Variants in ABHD2 observed in about 807,000 individuals in gnomAD.
ABHD2 encodes the protein abhydrolase domain containing 2, acylglycerol lipase, also known as monoacylglycerol lipase ABHD2.
Under a neutral mutation model 48.1 loss-of-function variants are expected in ABHD2, and 20 were observed. The ratio of observed to expected loss-of-function variants is 0.42; its 90% CI spans 0.29 to 0.60. The LOEUF (loss-of-function observed/expected upper bound fraction) is 0.60. Ranked by LOEUF, ABHD2 falls within the 20% of genes least tolerant of loss-of-function variation. The probability of loss-of-function intolerance (pLI) is 0.24; values close to 1 mark genes in which losing one functional copy is unlikely to be tolerated. For missense variants in ABHD2, 405 were observed against 550.9 expected, an observed-to-expected ratio of 0.74 and a Z score of 2.65; for synonymous variants, 209 against 214.2, an observed-to-expected ratio of 0.98 and a Z score of 0.21.
chr15:89,117,269 G>A, intron 3 of ABHD2, among the ~76,000 whole-genome samples: 1 of 152,138 alleles, frequency 6.6e-6, no homozygotes. Context: ...CAAGTGATCT[G>A]CCCGCCTTGG....
intron 1 of ABHD2, among the ~76,000 whole-genome samples, chr15:89,108,210 G>C (rs1017980556): frequency 1.3e-5 from 2 of 152,208 alleles, no homozygotes; most frequent in African/African-American, 4.8e-5. Flanking sequence ...GAAGCTAGAA[G>C]TTTGAAAACA....
chr15:89,127,052 C>T (rs764414364), intron 3 of ABHD2, among the ~76,000 whole-genome samples: 1 of 152,128 alleles, frequency 6.6e-6, no homozygotes, highest in African/African-American at 2.4e-5. Context: ...TGTTTGCTAC[C>T]CCATGACTGT....
chr15:89,155,732 A>G lies in ABHD2; in HGVS notation c.538+198A>G, dbSNP rs569952707. On this transcript the variant is annotated intron_variant, in intron 5 of 10. Coordinates refer to ENST00000352732, the MANE Select transcript of ABHD2 (RefSeq NM_152924.5). This position sits in a 1 kb window ranked among gnomAD's most constrained non-coding sequence, Gnocchi z 4.9. ...CACACCAGCCTTTGAGATGGGCACT[A>G]TAACCACCCTCACAGAGGCAGAAAC... 1.3e-4 allele frequency among the ~76,000 whole-genome samples: 20 copies of G among 152,366 alleles called. No individual in the cohort carries two copies. Among genetic ancestry groups the G allele is most frequent in the South Asian group, 4.1e-4 (2 of 4,832 alleles).
chr15:89,103,530 T>C (rs558267538), intron 1 of ABHD2, among the ~76,000 whole-genome samples: 2 of 152,180 alleles, frequency 1.3e-5, no homozygotes, highest in Admixed American at 1.3e-4. Flanking sequence ...TTCGCCCCTG[T>C]GTCATTCAGT....
chr15:89,138,715 A>G (rs2050354832), intron 3 of ABHD2, among the ~76,000 whole-genome samples: 1 of 152,174 alleles, frequency 6.6e-6, no homozygotes, highest in Admixed American at 6.5e-5. Flanking sequence ...AATATAGAAC[A>G]TTTTGACAGT....
In ABHD2 at chr15:89,175,667, C is replaced by G; in HGVS notation, c.539-145C>G. The G allele has an allele frequency of 1.2e-6, 1 of 822,922 alleles. No homozygotes were observed. Among genetic ancestry groups the G allele is most frequent in the Non-Finnish European group, 1.9e-6 (1 of 532,766 alleles). 51.0% of individuals were successfully genotyped at this position (822,922 alleles called of 1,614,324 possible). A position where few individuals can be genotyped will look rare whatever the true frequency, so the allele number is the denominator to read the frequency against. On this transcript the variant is annotated intron_variant, in intron 5 of 10. Transcript: ENST00000352732. The surrounding 1 kb of genome is among the most constrained non-coding windows in gnomAD (Gnocchi z 5.7). ...TGTCTGTCTCTCTCTCCACACACAT[C>G]CCCCGACACACACACGTATATATAC...
chr15:89,115,850 C>G (rs1476088512), intron 2 of ABHD2, among the ~76,000 whole-genome samples: 1 of 152,072 alleles, frequency 6.6e-6, no homozygotes. Flanking sequence ...GGTTTCTGTT[C>G]AAGGCTGTAA....
chr15:89,056,376 C>T, the ABHD2 span, among the ~76,000 whole-genome samples: 1 of 152,242 alleles, frequency 6.6e-6, no homozygotes, highest in Non-Finnish European at 1.5e-5. Flanking sequence ...GAACACCATG[C>T]CCCAGTGCAG....
rs1435393985 is a variant in ABHD2, at chr15:89,188,632, G to A, written c.926+329G>A. Among the ~76,000 whole-genome samples the A allele has an allele frequency of 6.6e-6, 1 of 152,230 alleles. No homozygotes were observed. Among genetic ancestry groups the A allele is most frequent in the East Asian group, 1.9e-4 (1 of 5,190 alleles). On this transcript the variant is annotated intron_variant, in intron 8 of 10. Coordinates refer to ENST00000352732, the MANE Select transcript of ABHD2 (RefSeq NM_152924.5). The surrounding 1 kb of genome is among the most constrained non-coding windows in gnomAD (Gnocchi z 4.1). ...CTGTCCTGCCTCAACACCAGGGCAA[G>A]TGTCAGGTGCCACATAAATCTGCAT...
the ABHD2 span, among the ~76,000 whole-genome samples, chr15:89,074,922 C>T: frequency 6.6e-6 from 1 of 152,192 alleles, no homozygotes; most frequent in African/African-American, 2.4e-5. Context: ...AAGTGGCCTA[C>T]AGCGGTACCA....
intron 3 of ABHD2, among the ~76,000 whole-genome samples, chr15:89,139,987 G>A (rs1318138601): frequency 6.6e-6 from 1 of 152,194 alleles, no homozygotes; most frequent in East Asian, 1.9e-4. Context: ...CCCTGATGGA[G>A]AGAGTTTTCT....
At chr15:89,193,938 A>AT (rs2051349563) in intron 10 of ABHD2, among the ~76,000 whole-genome samples, 1 of 114,494 alleles carries the variant, frequency 8.7e-6, no homozygotes, top group Admixed American at 8.6e-5. Context: ...AAAAAAAAAA[A>AT]GAATTAGCTG....
At chr15:89,111,572 C>T (rs2049875657) in intron 1 of ABHD2, among the ~76,000 whole-genome samples, 1 of 152,136 alleles carries the variant, frequency 6.6e-6, no homozygotes, top group Non-Finnish European at 1.5e-5. Context: ...AGAGTTGCAG[C>T]CATGTTTTCT....
chr15:89,195,589 G>A lies in ABHD2; in HGVS notation c.*166G>A, dbSNP rs2051388449. 21 of 658,382 alleles carry A rather than the reference G, an allele frequency of 3.2e-5. No homozygotes were observed. Among genetic ancestry groups the A allele is most frequent in the Non-Finnish European group, 4.9e-5 (20 of 406,872 alleles). 40.8% of individuals were successfully genotyped at this position (658,382 alleles called of 1,614,324 possible). On this transcript the variant is annotated 3_prime_UTR_variant, in exon 11 of 11. Coordinates refer to ENST00000352732, the MANE Select transcript of ABHD2 (RefSeq NM_152924.5). This position sits in a 1 kb window ranked among gnomAD's most constrained non-coding sequence, Gnocchi z 5.1. ...GTCTCGGAGTAGGCAGCTCTTCCTG[G>A]GAGCTCCAGGCTATTTTTGTGCTTA...
chr15:89,108,944 C>T (rs547178854), intron 1 of ABHD2, among the ~76,000 whole-genome samples: 1 of 152,272 alleles, frequency 6.6e-6, no homozygotes, highest in African/African-American at 2.4e-5. Flanking sequence ...TGAAAGAGAC[C>T]TTTGGCATCA....
At chr15:89,101,617 A>G (rs2049702067) in intron 1 of ABHD2, among the ~76,000 whole-genome samples, 2 of 152,376 alleles carry the variant, frequency 1.3e-5, no homozygotes, top group South Asian at 4.1e-4. Context: ...CTGAATTACA[A>G]GTACATAGGT....
intron 3 of ABHD2, among the ~76,000 whole-genome samples, chr15:89,139,304 T>C (rs4566139): frequency 0.65 from 99,323 of 151,976 alleles, 32,907 homozygotes; most frequent in African/African-American, 0.75. Flanking sequence ...CTCTGAGATC[T>C]TGGTACTCCC....
At chr15:89,171,657 A>G (rs2050930043) in intron 5 of ABHD2, among the ~76,000 whole-genome samples, 2 of 152,184 alleles carry the variant, frequency 1.3e-5, no homozygotes, top group Admixed American at 6.5e-5. Flanking sequence ...CCGAAAGGCT[A>G]AGCAGCGCCC....
intron 5 of ABHD2, among the ~76,000 whole-genome samples, chr15:89,160,855 G>A (rs545211247): frequency 6.6e-6 from 1 of 152,302 alleles, no homozygotes; most frequent in South Asian, 2.1e-4. Context: ...TAACTTCAGT[G>A]GGGTGGGGGA....
Sources: gnomAD v4.1 joint callset for allele counts (sites outside exome capture counted in the v4.1 genomes callset) on GRCh38, gnomAD v4.1.1 for gene constraint, Gnocchi (gnomAD v3.1) non-coding constraint, MANE v1.5 for transcripts, NCBI Gene and HGNC (gene_info 2026-07-23, HGNC 2026-07-21) for gene names.